The following CAMK1D variants were observed in gnomAD, a reference collection of about 807,000 sequenced individuals.
CAMK1D encodes the protein calcium/calmodulin-dependent protein kinase type 1D.
CAMK1D carries 9 observed loss-of-function variants against 47.7 expected under a neutral mutation model. That is an observed-to-expected ratio of 0.19 (90% CI 0.11 to 0.33). The LOEUF is 0.33. Among genes scored for constraint, CAMK1D ranks in the 10% least tolerant of loss-of-function variants. The probability of loss-of-function intolerance (pLI) is 1.00; values close to 1 mark genes in which losing one functional copy is unlikely to be tolerated. For missense variants in CAMK1D, 291 were observed against 488.7 expected, an observed-to-expected ratio of 0.60 and a Z score of 3.81; for synonymous variants, 184 against 184.9, an observed-to-expected ratio of 0.99 and a Z score of 0.04.
chr10:12,385,397 A>G (rs1377994346), intron 1 of CAMK1D, among the ~76,000 whole-genome samples: 1 of 152,256 alleles, frequency 6.6e-6, no homozygotes, highest in Non-Finnish European at 1.5e-5. Flanking sequence ...TATCCATACA[A>G]TGATGTGATA....
chr10:12,432,085 T>G (rs1420147483), intron 1 of CAMK1D, among the ~76,000 whole-genome samples: 1 of 152,208 alleles, frequency 6.6e-6, no homozygotes, highest in Non-Finnish European at 1.5e-5. Context: ...AGCAGTGATT[T>G]CCAGATTCCA....
intron 1 of CAMK1D, among the ~76,000 whole-genome samples, chr10:12,405,777 GAACA>G (rs1378113808): frequency 3.3e-5 from 5 of 152,316 alleles, no homozygotes; most frequent in Admixed American, 3.3e-4. Flanking sequence ...TGCTTTACAA[GAACA>G]AACACTTAGC....
intron 1 of CAMK1D, among the ~76,000 whole-genome samples, chr10:12,466,976 C>T (rs1185517774): frequency 2.0e-5 from 3 of 152,126 alleles, no homozygotes; most frequent in African/African-American, 7.2e-5. Context: ...TTTGATGACT[C>T]ATTTTGAAGC....
intron 1 of CAMK1D, among the ~76,000 whole-genome samples, chr10:12,453,596 T>C (rs1262364015): frequency 6.6e-6 from 1 of 152,226 alleles, no homozygotes; most frequent in Non-Finnish European, 1.5e-5. Flanking sequence ...TTTTGGCTAT[T>C]GTGAATCATG....
chr10:12,557,287 C>T (rs570523474), intron 2 of CAMK1D, among the ~76,000 whole-genome samples: 7 of 152,244 alleles, frequency 4.6e-5, no homozygotes, highest in South Asian at 2.1e-4. Context: ...CCACGGCTCA[C>T]GCCTGTAATC....
At chr10:12,585,830 A>G (rs773587951) in intron 2 of CAMK1D, among the ~76,000 whole-genome samples, 13 of 152,238 alleles carry the variant, frequency 8.5e-5, no homozygotes, top group Non-Finnish European at 1.6e-4. Context: ...GCCAGTCTTC[A>G]GTGACCTGCC....
chr10:12,467,967 A>C (rs1030859918), intron 1 of CAMK1D, among the ~76,000 whole-genome samples: 2 of 152,240 alleles, frequency 1.3e-5, no homozygotes, highest in Non-Finnish European at 2.9e-5. Context: ...TAAATCTTAC[A>C]AGTTTACAGT....
At chr10:12,386,514 T>C (rs2131881057) in intron 1 of CAMK1D, among the ~76,000 whole-genome samples, 1 of 151,034 alleles carries the variant, frequency 6.6e-6, no homozygotes, top group Non-Finnish European at 1.5e-5. Context: ...TAATGTAAAA[T>C]AAACTGTGGC....
chr10:12,631,234 G>A (rs1409173856), intron 2 of CAMK1D, among the ~76,000 whole-genome samples: 2 of 152,110 alleles, frequency 1.3e-5, no homozygotes, highest in Non-Finnish European at 2.9e-5. Flanking sequence ...GTGAGAAATG[G>A]GAAAGTTCTT....
intron 2 of CAMK1D, among the ~76,000 whole-genome samples, chr10:12,583,148 C>T (rs1013408289): frequency 2.6e-5 from 4 of 152,168 alleles, no homozygotes. Context: ...GGAAGATTAT[C>T]TAGTATTGGA....
chr10:12,760,830 C>G (rs951001418), intron 3 of CAMK1D, 118 bp from the exon 4 acceptor site: 21 of 1,141,544 alleles, frequency 1.8e-5, no homozygotes, highest in African/African-American at 1.2e-4. Flanking sequence ...GGGGCAACAT[C>G]TCAATCTGAA....
At chr10:12,380,948 G>A (rs958814604) in intron 1 of CAMK1D, among the ~76,000 whole-genome samples, 2 of 152,214 alleles carry the variant, frequency 1.3e-5, no homozygotes, top group Non-Finnish European at 2.9e-5. Flanking sequence ...CTAGTCATTT[G>A]TCAGGTTGTT....
chr10:12,518,250 T>C (rs538266411), intron 1 of CAMK1D, among the ~76,000 whole-genome samples: 1 of 152,352 alleles, frequency 6.6e-6, no homozygotes, highest in Admixed American at 6.5e-5. Flanking sequence ...GTTCATTTGC[T>C]TATTGTCCAT....
At chr10:12,753,802 C>T (rs1272161293) in intron 3 of CAMK1D, among the ~76,000 whole-genome samples, 2 of 152,228 alleles carry the variant, frequency 1.3e-5, no homozygotes, top group Non-Finnish European at 2.9e-5. Context: ...TCACTGGTTC[C>T]CCTTTTTCAG....
intron 1 of CAMK1D, among the ~76,000 whole-genome samples, chr10:12,502,758 AGC>A (rs1292237646): frequency 6.6e-5 from 10 of 152,154 alleles, no homozygotes; most frequent in African/African-American, 2.4e-4. Context: ...GTGAAGGCAG[AGC>A]GCTGGGAAGG....
chr10:12,579,153 G>A (rs1262704191), intron 2 of CAMK1D, among the ~76,000 whole-genome samples: 2 of 152,174 alleles, frequency 1.3e-5, no homozygotes, highest in Non-Finnish European at 2.9e-5. Context: ...AGGCGCCTGA[G>A]TGAGGCTGTG....
intron 5 of CAMK1D, among the ~76,000 whole-genome samples, chr10:12,789,924 CTCT>C (rs1461417060): frequency 7.2e-5 from 11 of 152,266 alleles, no homozygotes; most frequent in Non-Finnish European, 1.5e-4. Context: ...GATTCACTGC[CTCT>C]TCTTGTATTT....
intron 3 of CAMK1D, among the ~76,000 whole-genome samples, chr10:12,749,878 G>A (rs758256205): frequency 9.2e-5 from 14 of 152,258 alleles, no homozygotes; most frequent in South Asian, 2.1e-4. Flanking sequence ...ACAAGTGTGA[G>A]CCACTGTGTC....
chr10:12,767,408 C>A (rs1204892154), intron 4 of CAMK1D, among the ~76,000 whole-genome samples: 1 of 152,100 alleles, frequency 6.6e-6, no homozygotes, highest in Non-Finnish European at 1.5e-5. Flanking sequence ...AACTCCTAAC[C>A]TCAGGTGATC....
Sources: gnomAD v4.1 joint callset for allele counts (sites outside exome capture counted in the v4.1 genomes callset) on GRCh38, gnomAD v4.1.1 for gene constraint, MANE v1.5 for transcripts, NCBI Gene and HGNC (gene_info 2026-07-23, HGNC 2026-07-21) for gene names.